Variants in MAEL observed in about 807,000 individuals in gnomAD.
MAEL encodes protein maelstrom homolog.
MAEL carries 46 observed loss-of-function variants against 62.0 expected under a neutral mutation model. That is an observed-to-expected ratio of 0.74 (90% CI 0.59 to 0.95). The LOEUF is 0.95. MAEL is among the 40% of genes least tolerant of loss of function. MAEL has a pLI of 0.00. For missense variants in MAEL, 497 were observed against 526.8 expected (o/e 0.94, Z 0.55); for synonymous variants, 172 against 175.5 (o/e 0.98, Z 0.16).
chr1:166,996,286 C>G (rs1435273467), intron 5 of MAEL, among the ~76,000 whole-genome samples: 2 of 152,180 alleles, frequency 1.3e-5, no homozygotes, highest in African/African-American at 2.4e-5. Context: ...ATGGATCTCT[C>G]AAATACTCCT....
At chr1:167,020,531 A>T (rs553863978) in intron 10 of MAEL, among the ~76,000 whole-genome samples, 1 of 151,912 alleles carries the variant, frequency 6.6e-6, no homozygotes, top group South Asian at 2.1e-4. Flanking sequence ...ATTTCTCACC[A>T]CCTTTTTCCT....
intron 1 of MAEL, among the ~76,000 whole-genome samples, chr1:166,978,483 T>G (rs184562071): frequency 1.1e-4 from 17 of 152,286 alleles, no homozygotes; most frequent in Middle Eastern, 3.4e-3. Flanking sequence ...TGGTGGGTGA[T>G]GGGATATGGC....
intron 8 of MAEL, among the ~76,000 whole-genome samples, chr1:167,013,447 G>A (rs528591450): frequency 3.9e-5 from 6 of 152,286 alleles, no homozygotes; most frequent in African/African-American, 7.2e-5. Context: ...CATCAGTGTC[G>A]ATGAGGGTTG....
intron 7 of MAEL, 48 bp from the exon 8 acceptor site, chr1:167,005,208 G>C: frequency 1.2e-6 from 2 of 1,607,884 alleles, no homozygotes; most frequent in South Asian, 1.1e-5. Flanking sequence ...TATCTTCCAG[G>C]TATCTAAATT....
rs1041825046 is a variant in MAEL at position 167,021,861 on chromosome 1, G to A, written c.*6G>A. On this transcript the variant is annotated 3_prime_UTR_variant, in exon 12 of 12. Transcript: ENST00000367872. ...CTTTCTCTTCCTTATCTTAATGATG[G>A]TACTCTTTTCAATTTCTGAAAACAG... The A allele has an allele frequency of 3.2e-6, 5 of 1,587,070 alleles. No individual in the cohort carries two copies. The Admixed American group carries it at 8.7e-5, about 28-fold the overall frequency.
rs1665609103 is a variant in MAEL, at chr1:167,021,074, G to A, written c.1042-11G>A. The A allele has an allele frequency of 1.9e-6, 3 of 1,595,986 alleles. No individual in the cohort carries two copies. The highest frequency in any genetic ancestry group is 1.1e-5 in the South Asian group (1 of 90,380). On this transcript the variant is annotated splice_polypyrimidine_tract_variant and intron_variant, in intron 10 of 11. Coordinates refer to ENST00000367872, the MANE Select transcript of MAEL (RefSeq NM_032858.3). ...ACATTTTTCCCCCTGGTATTTTCCT[G>A]TTACTTACAGAAGCTAAGGGTTGGG... is the stretch of plus-strand genomic sequence containing the variant.
chr1:167,000,215 C>T (rs1664602891), intron 5 of MAEL, among the ~76,000 whole-genome samples: 1 of 151,942 alleles, frequency 6.6e-6, no homozygotes, highest in Non-Finnish European at 1.5e-5. Context: ...AAATGGAAAA[C>T]CTGAAAAGGA....
At chr1:167,009,524 C>T (rs1665076435) in intron 8 of MAEL, among the ~76,000 whole-genome samples, 1 of 151,162 alleles carries the variant, frequency 6.6e-6, no homozygotes, top group South Asian at 2.1e-4. Context: ...AGTTTATATG[C>T]AGGTCCATTT....
In MAEL at chr1:167,005,017, A is replaced by G. The variant is rs1286379436; in HGVS notation, c.649-59A>G. ...AAAGGACAGCATTAGAAGTCATTCA[A>G]AGTAGGAGAAGATACAAGTAGTTTT... On this transcript the variant is annotated intron_variant, in intron 6 of 11. Transcript: ENST00000367872. The G allele has an allele frequency of 3.4e-5, 52 of 1,531,826 alleles. 1 individual carries two copies. The South Asian group carries it at 5.9e-4, about 17-fold the overall frequency. 94.9% of individuals were successfully genotyped at this position (1,531,826 alleles called of 1,614,324 possible). A position where few individuals can be genotyped will look rare whatever the true frequency, so the allele number is the denominator to read the frequency against.
chr1:166,997,610 A>G (rs542661652), intron 5 of MAEL, among the ~76,000 whole-genome samples: 1 of 152,302 alleles, frequency 6.6e-6, no homozygotes, highest in Non-Finnish European at 1.5e-5. Context: ...ATGCAGTCGT[A>G]GCTCACTGCA....
At chr1:166,994,823 C>T (rs1235457674) in intron 5 of MAEL, among the ~76,000 whole-genome samples, 1 of 151,570 alleles carries the variant, frequency 6.6e-6, no homozygotes, top group Non-Finnish European at 1.5e-5. Flanking sequence ...GCACATGCCA[C>T]GGTGCCCAGC....
intron 8 of MAEL, among the ~76,000 whole-genome samples, chr1:167,013,701 T>G (rs945222538): frequency 2.0e-5 from 3 of 152,190 alleles, no homozygotes; most frequent in Non-Finnish European, 2.9e-5. Context: ...TATCCTTGAT[T>G]GCATTCATAT....
At position 167,018,237 on chromosome 1, in the gene MAEL, C is replaced by CA. The variant is rs1322847018; in HGVS notation, c.1041+283dup. Among the ~76,000 whole-genome samples the CA allele has an allele frequency of 4.6e-5, 7 of 151,952 alleles. No individual in the cohort carries two copies. The East Asian group carries it at 1.3e-3, about 29-fold the overall frequency. On this transcript the variant is annotated intron_variant, in intron 10 of 11. Transcript: ENST00000367872. ...GTAAAACATTTCCAAAGATTTATTC[C>CA]AAAAATTAAATATCTGAATGTAAGT...
chr1:166,977,140 G>T (rs919070377), intron 1 of MAEL, among the ~76,000 whole-genome samples: 5 of 152,180 alleles, frequency 3.3e-5, no homozygotes, highest in African/African-American at 1.2e-4. Flanking sequence ...TTTGGCTGTG[G>T]TCTTGCAGGC....
At chr1:166,991,641 T>C (rs1242693131) in intron 3 of MAEL, among the ~76,000 whole-genome samples, 164 bp downstream of exon 3, 6 of 151,978 alleles carry the variant, frequency 3.9e-5, no homozygotes, top group Non-Finnish European at 8.8e-5. Context: ...AGGTAATTTG[T>C]TGAAATAAAA....
Position 166,989,313 on chromosome 1 carries a change from C to T in MAEL, c.-40C>T, listed in dbSNP as rs191751530. On this transcript the variant is annotated 5_prime_UTR_variant, in exon 1 of 12. Coordinates refer to ENST00000367872, the MANE Select transcript of MAEL (RefSeq NM_032858.3). Reference sequence around the variant, plus strand: ...CGGGAGCCCGGCGAGGGCGCCGGTGCTTTGTTCTGTCTGAGGCCAGGAAGT... The same window carrying T: ...CGGGAGCCCGGCGAGGGCGCCGGTGTTTTGTTCTGTCTGAGGCCAGGAAGT... 6,897 of 1,595,154 alleles carry T rather than the reference C, an allele frequency of 4.3e-3. 36 individuals carry two copies. Among genetic ancestry groups the T allele is most frequent in the Non-Finnish European group, 5.4e-3 (6,313 of 1,170,488 alleles).
chr1:166,983,329 T>C (rs1237042436), intron 1 of MAEL, among the ~76,000 whole-genome samples: 1 of 152,230 alleles, frequency 6.6e-6, no homozygotes, highest in Non-Finnish European at 1.5e-5. Context: ...CTTCCTTCTC[T>C]GGCTTCTAAA....
In MAEL at chr1:167,018,101, C is replaced by CA; in HGVS notation, c.1041+145dup. The CA allele has an allele frequency of 4.5e-6, 3 of 666,390 alleles. No homozygotes were observed. The South Asian group carries it at 1.2e-4, about 27-fold the overall frequency. The allele number at this position is 666,390 out of a possible 1,614,324, so 41.3% of individuals were successfully genotyped here. On this transcript the variant is annotated intron_variant, in intron 10 of 11. Coordinates refer to ENST00000367872, the MANE Select transcript of MAEL (RefSeq NM_032858.3). ...TATTTTGAAGTACTTCATGGAATGT[C>CA]AAACAGTTCCTAATCCAGTTGTGTC...
chr1:167,006,639 A>ACAT (rs1206073148), intron 8 of MAEL, among the ~76,000 whole-genome samples: 3 of 86,556 alleles, frequency 3.5e-5, no homozygotes, highest in Admixed American at 1.1e-4. Context: ...ATATATATAC[A>ACAT]TTTTTTTTTT....
Sources: gnomAD v4.1 joint callset for allele counts (sites outside exome capture counted in the v4.1 genomes callset) on GRCh38, gnomAD v4.1.1 for gene constraint, MANE v1.5 for transcripts, NCBI Gene and HGNC (gene_info 2026-07-23, HGNC 2026-07-21) for gene names.